Variants in ZNF521 observed in about 807,000 individuals in gnomAD.
The protein encoded by ZNF521 is zinc finger protein 521, also known as LYST-interacting protein 3.
ZNF521 carries 14 observed loss-of-function variants against 105.5 expected under a neutral mutation model. The observed-to-expected ratio is 0.13, with a 90% CI of 0.09 to 0.21. ZNF521 has a LOEUF of 0.21. Ranked by LOEUF, ZNF521 falls within the 10% of genes least tolerant of loss-of-function variation. The pLI is 1.00. For synonymous variants in ZNF521, 635 were observed against 606.0 expected, an observed-to-expected ratio of 1.05 and a Z score of -0.70; for missense variants, 1,233 against 1,629.7, an observed-to-expected ratio of 0.76 and a Z score of 4.19.
At chr18:25,117,321 C>G (rs1328142166) in intron 5 of ZNF521, among the ~76,000 whole-genome samples, 1 of 151,820 alleles carries the variant, frequency 6.6e-6, no homozygotes, top group African/African-American at 2.4e-5. Context: ...TACCTGTCTG[C>G]TAAAACAAAA....
chr18:25,164,455 G>C lies in ZNF521; in HGVS notation c.3658+30705C>G, dbSNP rs148691516. 1.0e-3 allele frequency among the ~76,000 whole-genome samples: 153 copies of C among 152,256 alleles called. 1 individual carries two copies. Among genetic ancestry groups the C allele is most frequent in the African/African-American group, 3.5e-3 (144 of 41,536 alleles). ...AAACAGCAAGCTACCATTTCAAGAA[G>C]GTTTCATATTTATCATGCATTTTGA... is the stretch of plus-strand genomic sequence containing the variant. On this transcript the variant is annotated intron_variant, in intron 5 of 7. Coordinates refer to ENST00000361524, the MANE Select transcript of ZNF521 (RefSeq NM_015461.3).
chr18:25,088,797 C>G (rs941989103), intron 7 of ZNF521, among the ~76,000 whole-genome samples: 1 of 151,996 alleles, frequency 6.6e-6, no homozygotes, highest in African/African-American at 2.4e-5. Context: ...TATCTTATAT[C>G]CATACCCATC....
intron 7 of ZNF521, among the ~76,000 whole-genome samples, chr18:25,064,417 A>G (rs1200839434): frequency 1.3e-5 from 2 of 152,242 alleles, no homozygotes; most frequent in Non-Finnish European, 2.9e-5. Context: ...GCAATGAAAC[A>G]GGAATATGCA....
chr18:25,301,546 C>G (rs900675395), intron 3 of ZNF521, among the ~76,000 whole-genome samples: 1 of 152,222 alleles, frequency 6.6e-6, no homozygotes, highest in African/African-American at 2.4e-5. Context: ...GTTCTGAGAG[C>G]CTCAAAGCCT....
chr18:25,317,633 C>T (rs1422676634), intron 3 of ZNF521, among the ~76,000 whole-genome samples: 1 of 152,110 alleles, frequency 6.6e-6, no homozygotes, highest in Non-Finnish European at 1.5e-5. Flanking sequence ...GTGAGCAAAG[C>T]TTTGTTTAAA....
chr18:25,135,479 A>G (rs1303700837), intron 5 of ZNF521, among the ~76,000 whole-genome samples: 1 of 152,154 alleles, frequency 6.6e-6, no homozygotes. Flanking sequence ...TACACAAGCC[A>G]CAGCAGCAGG....
intron 5 of ZNF521, among the ~76,000 whole-genome samples, chr18:25,167,836 G>T (rs781080770): frequency 6.6e-6 from 1 of 152,092 alleles, no homozygotes; most frequent in Non-Finnish European, 1.5e-5. Flanking sequence ...GTGCTGTTCC[G>T]CTCCCTCATT....
chr18:25,260,900 T>C (rs1246558173), intron 3 of ZNF521, among the ~76,000 whole-genome samples: 2 of 152,334 alleles, frequency 1.3e-5, no homozygotes, highest in East Asian at 3.9e-4. Context: ...AAAATGTAAC[T>C]GTTACTCTAT....
At chr18:25,198,653 T>C (rs540397673) in intron 4 of ZNF521, among the ~76,000 whole-genome samples, 16 of 151,992 alleles carry the variant, frequency 1.1e-4, no homozygotes, top group African/African-American at 3.9e-4. Context: ...AGGTGACTAT[T>C]ACATCAATTT....
chr18:25,233,059 G>A (rs1600188678), intron 3 of ZNF521, among the ~76,000 whole-genome samples: 2 of 152,094 alleles, frequency 1.3e-5, no homozygotes, highest in African/African-American at 4.8e-5. Context: ...TACTTAAAGA[G>A]GACAATATTT....
chr18:25,102,799 AAAG>A (rs1238253766), intron 5 of ZNF521, among the ~76,000 whole-genome samples: 5 of 152,184 alleles, frequency 3.3e-5, no homozygotes, highest in African/African-American at 1.2e-4. Context: ...TTCACTTAAA[AAAG>A]AAGTTATTTC....
At chr18:25,290,129 A>T (rs954676785) in intron 3 of ZNF521, among the ~76,000 whole-genome samples, 11 of 152,264 alleles carry the variant, frequency 7.2e-5, no homozygotes, top group African/African-American at 1.2e-4. Context: ...CAATTTTCAT[A>T]GCAGCTATGG....
At chr18:25,151,405 A>G (rs567100888) in intron 5 of ZNF521, among the ~76,000 whole-genome samples, 1 of 152,280 alleles carries the variant, frequency 6.6e-6, no homozygotes, top group Admixed American at 6.5e-5. Context: ...GACTTAGCAG[A>G]TTTTAATGAT....
intron 4 of ZNF521, among the ~76,000 whole-genome samples, chr18:25,213,572 A>G (rs1246185156): frequency 1.3e-5 from 2 of 152,074 alleles, no homozygotes; most frequent in Non-Finnish European, 1.5e-5. Context: ...TTAAAATGTA[A>G]AATCATGAAT....
At chr18:25,129,661 G>A (rs932669941) in intron 5 of ZNF521, among the ~76,000 whole-genome samples, 1 of 152,050 alleles carries the variant, frequency 6.6e-6, no homozygotes, top group Non-Finnish European at 1.5e-5. Flanking sequence ...CAATTAGAAA[G>A]TGGCGGGGTG....
chr18:25,071,104 T>C (rs1327444122), intron 7 of ZNF521, among the ~76,000 whole-genome samples: 1 of 152,218 alleles, frequency 6.6e-6, no homozygotes, highest in Admixed American at 6.5e-5. Context: ...TATACCATGC[T>C]TGAGTATGCT....
intron 3 of ZNF521, among the ~76,000 whole-genome samples, chr18:25,258,336 C>T (rs1016214302): frequency 6.6e-6 from 1 of 152,082 alleles, no homozygotes; most frequent in Non-Finnish European, 1.5e-5. Context: ...GTACAGCTTG[C>T]CCAACATGAA....
intron 3 of ZNF521, among the ~76,000 whole-genome samples, chr18:25,267,086 TG>T (rs893124492): frequency 6.6e-6 from 1 of 151,816 alleles, no homozygotes; most frequent in Admixed American, 6.6e-5. Context: ...TTGAGCTTGG[TG>T]GGGGGAGGGG....
At chr18:25,195,366 C>G in intron 4 of ZNF521, 122 bp from the exon 5 acceptor site, 1 of 743,758 alleles carries the variant, frequency 1.3e-6, no homozygotes, top group Non-Finnish European at 2.1e-6. Context: ...AACTAAACTA[C>G]AGGGCCCCTT....
Sources: gnomAD v4.1 joint callset for allele counts (sites outside exome capture counted in the v4.1 genomes callset) on GRCh38, gnomAD v4.1.1 for gene constraint, MANE v1.5 for transcripts, NCBI Gene and HGNC (gene_info 2026-07-23, HGNC 2026-07-21) for gene names.